The following NDUFAF4 variants were observed in gnomAD, a reference collection of about 807,000 sequenced individuals.
The protein encoded by NDUFAF4 is NADH:ubiquinone oxidoreductase complex assembly factor 4, also known as NADH dehydrogenase [ubiquinone] 1 alpha subcomplex assembly factor 4.
Under a neutral mutation model 15.6 loss-of-function variants are expected in NDUFAF4, and 10 were observed. The observed-to-expected ratio is 0.64, with a 90% CI of 0.40 to 1.09. The LOEUF (loss-of-function observed/expected upper bound fraction) is 1.09. NDUFAF4 is among the 50% of genes least tolerant of loss of function. The pLI is 0.01. For synonymous variants in NDUFAF4, 77 were observed against 73.3 expected (o/e 1.05, Z -0.26); for missense variants, 203 against 207.3 (o/e 0.98, Z 0.13).
At chr6:96,893,186 A>G (rs1393183859) in intron 2 of NDUFAF4, among the ~76,000 whole-genome samples, 1 of 152,096 alleles carries the variant, frequency 6.6e-6, no homozygotes, top group African/African-American at 2.4e-5. Context: ...CATCTCCCCC[A>G]TACTACTAAA....
chr6:96,896,075 TGCAC>T (rs1310134641), intron 2 of NDUFAF4: 2 of 153,360 alleles, frequency 1.3e-5, no homozygotes, highest in African/African-American at 2.4e-5. Flanking sequence ...TACTCAGCAG[TGCAC>T]GTACTTTTCC....
chr6:96,896,126 G>A (rs907558220), intron 2 of NDUFAF4: 1 of 153,656 alleles, frequency 6.5e-6, no homozygotes, highest in African/African-American at 2.4e-5. Context: ...TTTGTTTAAT[G>A]GCTGTGTCCT....
chr6:96,897,833 C>A lies in NDUFAF4; in HGVS notation c.-32G>T, dbSNP rs767134572. On this transcript the variant is annotated 5_prime_UTR_variant, in exon 1 of 3. Transcript: ENST00000316149. ...ATAACATTATGCGCTCAGGTTCAGG[C>A]CGCACGTGGGAACACCGGCGCAGGA... The A allele has an allele frequency of 5.1e-5, 83 of 1,613,532 alleles. No homozygotes were observed. Among genetic ancestry groups the A allele is most frequent in the Non-Finnish European group, 6.7e-5 (79 of 1,179,754 alleles).
chr6:96,895,759 T>A (rs1416017340), intron 2 of NDUFAF4, among the ~76,000 whole-genome samples: 1 of 152,198 alleles, frequency 6.6e-6, no homozygotes, highest in Non-Finnish European at 1.5e-5. Context: ...CTACAATTAC[T>A]ATGTGCAGCG....
chr6:96,896,996 G>A, intron 1 of NDUFAF4, 149 bp from the exon 2 acceptor site: 1 of 631,980 alleles, frequency 1.6e-6, no homozygotes, highest in Non-Finnish European at 2.8e-6. Flanking sequence ...GCGCGATCTC[G>A]GCTCCCTGCA....
intron 2 of NDUFAF4, 126 bp from the exon 3 acceptor site, chr6:96,891,517 A>C (rs1339443583): frequency 2.0e-6 from 2 of 1,005,676 alleles, no homozygotes; most frequent in African/African-American, 1.6e-5. Context: ...GTCCCCACCC[A>C]AATCTCATGT....
At chr6:96,892,656 A>G (rs1156492676) in intron 2 of NDUFAF4, among the ~76,000 whole-genome samples, 3 of 151,992 alleles carry the variant, frequency 2.0e-5, no homozygotes, top group African/African-American at 7.3e-5. Flanking sequence ...GACCACTCCA[A>G]TGTACTTATA....
intron 2 of NDUFAF4, among the ~76,000 whole-genome samples, chr6:96,893,966 T>C (rs1056165190): frequency 6.6e-6 from 1 of 152,186 alleles, no homozygotes; most frequent in Non-Finnish European, 1.5e-5. Flanking sequence ...TCTACATAGA[T>C]ATATCTTTAG....
rs1463385663 is a variant in NDUFAF4 at position 96,897,866 on chromosome 6, G to C, written c.-65C>G. 26 of 1,610,332 alleles carry C rather than the reference G, an allele frequency of 1.6e-5. No homozygotes were observed. The highest frequency in any genetic ancestry group is 2.1e-5 in the Non-Finnish European group (25 of 1,178,082). ...GGGAACACCGGCGCAGGACAACTCC[G>C]GGACACCCGGAGCATGCGCACAAGT... On this transcript the variant is annotated 5_prime_UTR_variant, in exon 1 of 3. Coordinates refer to ENST00000316149, the MANE Select transcript of NDUFAF4 (RefSeq NM_014165.4).
At chr6:96,894,154 G>A (rs1775344804) in intron 2 of NDUFAF4, among the ~76,000 whole-genome samples, 1 of 152,094 alleles carries the variant, frequency 6.6e-6, no homozygotes, top group Non-Finnish European at 1.5e-5. Context: ...CAATCCATAA[G>A]GTTCAAACTG....
chr6:96,897,533 G>C (rs1323792492), intron 1 of NDUFAF4, 133 bp downstream of exon 1: 11 of 1,358,346 alleles, frequency 8.1e-6, no homozygotes, highest in East Asian at 2.5e-5. Context: ...CCCTTCCAAC[G>C]CTCCGCCAAC....
Position 96,890,796 on chromosome 6 carries a change from T to C in NDUFAF4, c.*308A>G, listed in dbSNP as rs1775305205. The C allele has an allele frequency of 1.1e-5, 3 of 274,118 alleles. No individual in the cohort carries two copies. Among genetic ancestry groups the C allele is most frequent in the Admixed American group, 5.1e-5 (1 of 19,718 alleles). The allele number at this position is 274,118 out of a possible 1,614,324, so 17.0% of individuals were successfully genotyped here. ...ATTCAGGACATTTCCCAAGGGGTAATATGACCAATTTAAAAGTTGGTATAT... is the reference window on the plus strand; with the variant it reads ...ATTCAGGACATTTCCCAAGGGGTAACATGACCAATTTAAAAGTTGGTATAT... On this transcript the variant is annotated 3_prime_UTR_variant, in exon 3 of 3. Coordinates refer to ENST00000316149, the MANE Select transcript of NDUFAF4 (RefSeq NM_014165.4).
rs756400083 is a variant in NDUFAF4 at position 96,897,830 on chromosome 6, A to C, written c.-29T>G. The C allele has an allele frequency of 1.9e-6, 3 of 1,613,706 alleles. No homozygotes were observed. The South Asian group carries it at 3.3e-5, about 18-fold the overall frequency. On this transcript the variant is annotated 5_prime_UTR_variant, in exon 1 of 3. An upstream open reading frame in the 5' UTR loses its in-frame stop. Transcript: ENST00000316149. The stretch of plus-strand genomic sequence containing the variant: ...CTCATAACATTATGCGCTCAGGTTC[A>C]GGCCGCACGTGGGAACACCGGCGCA...
Position 96,890,953 on chromosome 6 carries a change from A to G in NDUFAF4, c.*151T>C. 1.4e-6 allele frequency: 1 copy of G among 716,264 alleles called. No homozygotes were observed. The highest frequency in any genetic ancestry group is 1.9e-5 in the South Asian group (1 of 52,952). 44.4% of individuals were successfully genotyped at this position (716,264 alleles called of 1,614,324 possible). A position where few individuals can be genotyped will look rare whatever the true frequency, so the allele number is the denominator to read the frequency against. ...CAAAAGATATTCTATGGCAATCTTGAAAAGTCAGGGAGCTCAATAAATATT... is the reference window on the plus strand; with the variant it reads ...CAAAAGATATTCTATGGCAATCTTGGAAAGTCAGGGAGCTCAATAAATATT... On this transcript the variant is annotated 3_prime_UTR_variant, in exon 3 of 3. Transcript: ENST00000316149.
chr6:96,893,809 T>TATCGA (rs1775341580), intron 2 of NDUFAF4, among the ~76,000 whole-genome samples: 2 of 151,818 alleles, frequency 1.3e-5, no homozygotes, highest in East Asian at 3.9e-4. Context: ...CGAAAACAAG[T>TATCGA]ATCATTCTAT....
At position 96,897,829 on chromosome 6, in the gene NDUFAF4, C is replaced by G. The variant is rs752982123; in HGVS notation, c.-28G>C. ...CCTCATAACATTATGCGCTCAGGTT[C>G]AGGCCGCACGTGGGAACACCGGCGC... On this transcript the variant is annotated 5_prime_UTR_variant, in exon 1 of 3. The change abolishes the stop of an existing upstream ORF in the 5' untranslated region. Transcript: ENST00000316149. 8 of 1,613,824 alleles carry G rather than the reference C, an allele frequency of 5.0e-6. No homozygotes were observed. The South Asian group carries it at 8.8e-5, about 18-fold the overall frequency.
At chr6:96,896,990 G>A in intron 1 of NDUFAF4, 143 bp from the exon 2 acceptor site, 1 of 648,594 alleles carries the variant, frequency 1.5e-6, no homozygotes, top group South Asian at 1.7e-5. Context: ...GCAGTCGCGC[G>A]ATCTCGGCTC....
At position 96,891,248 on chromosome 6, in the gene NDUFAF4, A is replaced by C; in HGVS notation, c.384T>G (p.Leu128=). The change falls in exon 3 of 3, where the codon CTT becomes CTG. Residue 128 remains leucine (L), a synonymous_variant. Transcript: ENST00000316149. ...TCTCAGCAGTCCAGGTTTCTGGGAA[A>C]AGCTTATGATTATTGAGAAGTGTCA... ...EALTLLNNHK[L]FPETWTAEKI... is the part of the protein sequence containing the mutation. 6.2e-7 allele frequency: 1 copy of C among 1,613,822 alleles called. No individual in the cohort carries two copies. The highest frequency in any genetic ancestry group is 2.2e-5 in the East Asian group (1 of 44,848).
rs908045899 is a variant in NDUFAF4, at chr6:96,890,068, C to T, written c.*1036G>A. 3 of 151,980 alleles carry T rather than the reference C, an allele frequency of 2.0e-5. No homozygotes were observed. The highest frequency in any genetic ancestry group is 4.8e-5 in the African/African-American group (2 of 41,384). The allele number at this position is 151,980 out of a possible 1,614,324, so 9.4% of individuals were successfully genotyped here. ...AGAAGATATAGTCTCCCAAAGATCC[C>T]CCAAGTAGTAATATATTAGGCAGAG... On this transcript the variant is annotated 3_prime_UTR_variant, in exon 3 of 3. Coordinates refer to ENST00000316149, the MANE Select transcript of NDUFAF4 (RefSeq NM_014165.4).
Sources: gnomAD v4.1 joint callset for allele counts (sites outside exome capture counted in the v4.1 genomes callset) on GRCh38, gnomAD v4.1.1 for gene constraint, MANE v1.5 for transcripts, NCBI Gene and HGNC (gene_info 2026-07-23, HGNC 2026-07-21) for gene names.